Variants in WBP1L observed in about 807,000 individuals in gnomAD.
WBP1L encodes WW domain binding protein 1-like.
Under a neutral mutation model 33.7 loss-of-function variants are expected in WBP1L, and 17 were observed. The observed-to-expected ratio is 0.50, with a 90% confidence interval of 0.34 to 0.76. The LOEUF is 0.76. Among genes scored for constraint, WBP1L ranks in the 30% least tolerant of loss-of-function variants. The pLI, the probability that WBP1L is intolerant of heterozygous loss-of-function variation, is 0.01. For synonymous variants in WBP1L, 173 were observed against 190.8 expected (o/e 0.91, Z 0.77); for missense variants, 389 against 469.4 (o/e 0.83, Z 1.58).
intron 1 of WBP1L, among the ~76,000 whole-genome samples, chr10:102,793,306 A>G (rs1176673235): frequency 6.6e-6 from 1 of 152,074 alleles, no homozygotes; most frequent in East Asian, 1.9e-4. Flanking sequence ...AAAGCCAGAT[A>G]TGGTGGCACA....
intron 1 of WBP1L, among the ~76,000 whole-genome samples, chr10:102,756,753 G>C (rs545646366): frequency 6.6e-6 from 1 of 152,148 alleles, no homozygotes; most frequent in East Asian, 1.9e-4. Flanking sequence ...CGGTATGGTT[G>C]TATCAGTTTA....
intron 1 of WBP1L, among the ~76,000 whole-genome samples, chr10:102,766,305 G>C (rs1393874446): frequency 6.6e-6 from 1 of 151,996 alleles, no homozygotes; most frequent in Non-Finnish European, 1.5e-5. Flanking sequence ...AGCTGGGCAT[G>C]GTGCGCATGC....
Position 102,772,710 on chromosome 10 carries a change from C to G in WBP1L, c.91-25283C>G, listed in dbSNP as rs12572094. The stretch of plus-strand genomic sequence containing the variant: ...TCAGCTTCCCGAGTAGCTGAGACAA[C>G]AGGCATGTGCCACCATGCCCAGCTA... On this transcript the variant is annotated intron_variant, in intron 1 of 3. Coordinates refer to ENST00000448841, the MANE Select transcript of WBP1L (RefSeq NM_001083913.2). 2.4e-3 allele frequency among the ~76,000 whole-genome samples: 355 copies of G among 150,798 alleles called. 7 individuals carry two copies. The East Asian group carries it at 0.052, about 22-fold the overall frequency.
intron 2 of WBP1L, chr10:102,804,112 G>A (rs912441170): frequency 6.6e-6 from 1 of 152,098 alleles, no homozygotes; most frequent in African/African-American, 2.4e-5. Context: ...AAGTTGGCCA[G>A]GTGTGGTGAC....
rs1442575489 is a variant in WBP1L, at chr10:102,785,161, AC to A, written c.91-12831del. On this transcript the variant is annotated intron_variant, in intron 1 of 3. Transcript: ENST00000448841. ...AGTGCTGGGATTACAGGCGTGAGCC[AC>A]TGCGCCAGGCACCAGCCCACTTTTT... 8.1e-5 allele frequency among the ~76,000 whole-genome samples: 12 copies of A among 148,732 alleles called. No homozygotes were observed. The South Asian group carries it at 2.1e-3, about 26-fold the overall frequency.
Position 102,754,653 on chromosome 10 carries a change from A to G in WBP1L, c.90+10510A>G, listed in dbSNP as rs531925789. Among the ~76,000 whole-genome samples the G allele has an allele frequency of 2.0e-5, 3 of 152,116 alleles. No homozygotes were observed. In the East Asian group the frequency reaches 5.8e-4, roughly 30 times the overall value. The stretch of plus-strand genomic sequence containing the variant: ...CGTAATCCACCTGCCTCGACCTCCC[A>G]AAGTGCTGGGCTTACAGGCATGAGA... On this transcript the variant is annotated intron_variant, in intron 1 of 3. Coordinates refer to ENST00000448841, the MANE Select transcript of WBP1L (RefSeq NM_001083913.2).
chr10:102,800,281 C>T (rs1312974578), intron 2 of WBP1L, among the ~76,000 whole-genome samples: 4 of 152,228 alleles, frequency 2.6e-5, no homozygotes, highest in African/African-American at 9.6e-5. Flanking sequence ...GGCCAGGCGG[C>T]ATCAGTTGTG....
chr10:102,780,463 A>G (rs776675482), intron 1 of WBP1L, among the ~76,000 whole-genome samples: 3 of 152,196 alleles, frequency 2.0e-5, no homozygotes, highest in Non-Finnish European at 1.5e-5. Flanking sequence ...GTTCTTAGTC[A>G]TGATTTGAAC....
At chr10:102,778,412 G>A (rs1204995822) in intron 1 of WBP1L, among the ~76,000 whole-genome samples, 1 of 152,186 alleles carries the variant, frequency 6.6e-6, no homozygotes, top group Non-Finnish European at 1.5e-5. Flanking sequence ...AAGAGGGCGA[G>A]GGCTTGTGTC....
At chr10:102,776,939 G>A (rs1843272149) in intron 1 of WBP1L, among the ~76,000 whole-genome samples, 1 of 152,028 alleles carries the variant, frequency 6.6e-6, no homozygotes, top group Admixed American at 6.6e-5. Context: ...CGTTCCCGAC[G>A]CCTCAGGGGA....
intron 1 of WBP1L, among the ~76,000 whole-genome samples, chr10:102,772,027 C>G (rs1047947007): frequency 1.7e-4 from 26 of 149,706 alleles, no homozygotes; most frequent in African/African-American, 4.9e-4. Context: ...GTGGCACAAT[C>G]TCAGCTCACT....
chr10:102,785,793 A>G (rs1045623712), intron 1 of WBP1L, among the ~76,000 whole-genome samples: 9 of 152,178 alleles, frequency 5.9e-5, no homozygotes, highest in African/African-American at 1.9e-4. Context: ...ATGCTTCTCA[A>G]TGGACTTACT....
At chr10:102,754,956 C>T (rs1842958553) in intron 1 of WBP1L, among the ~76,000 whole-genome samples, 1 of 151,030 alleles carries the variant, frequency 6.6e-6, no homozygotes, top group Non-Finnish European at 1.5e-5. Flanking sequence ...ATACCTTTCA[C>T]CTTTTTTTTT....
At chr10:102,768,675 C>T (rs1476616385) in intron 1 of WBP1L, among the ~76,000 whole-genome samples, 1 of 19,040 alleles carries the variant, frequency 5.3e-5, no homozygotes, top group Non-Finnish European at 1.0e-4. Context: ...AGGCGTGAGC[C>T]ACCGCGCCCG....
chr10:102,798,776 G>C (rs1350212932), intron 2 of WBP1L, among the ~76,000 whole-genome samples: 1 of 152,158 alleles, frequency 6.6e-6, no homozygotes, highest in East Asian at 1.9e-4. Context: ...TGAATGCCAG[G>C]CCACTCTAGA....
intron 1 of WBP1L, among the ~76,000 whole-genome samples, chr10:102,751,294 G>A (rs1486467605): frequency 4.1e-5 from 6 of 147,736 alleles, no homozygotes; most frequent in South Asian, 2.1e-4. Context: ...GTGCCACTGC[G>A]CCCAATCAAG....
intron 1 of WBP1L, among the ~76,000 whole-genome samples, chr10:102,775,329 C>G (rs952568942): frequency 6.6e-6 from 1 of 152,014 alleles, no homozygotes; most frequent in African/African-American, 2.4e-5. Context: ...CTTACACCAC[C>G]GACTAGGGAA....
chr10:102,787,457 G>A (rs1413474142), intron 1 of WBP1L, among the ~76,000 whole-genome samples: 4 of 152,094 alleles, frequency 2.6e-5, no homozygotes, highest in South Asian at 2.1e-4. Flanking sequence ...GTGTGGTGGC[G>A]TATGCCTGTG....
chr10:102,785,158 G>C (rs1385970728), intron 1 of WBP1L, among the ~76,000 whole-genome samples: 1 of 149,824 alleles, frequency 6.7e-6, no homozygotes, highest in Non-Finnish European at 1.5e-5. Flanking sequence ...ACAGGCGTGA[G>C]CCACTGCGCC....
Sources: allele counts gnomAD v4.1 joint callset (sites outside exome capture counted in the v4.1 genomes callset), GRCh38; gene constraint gnomAD v4.1.1; transcripts MANE v1.5; gene names NCBI Gene and HGNC (gene_info 2026-07-23, HGNC 2026-07-21).